The following BNC2 variants were observed in gnomAD, a reference collection of about 807,000 sequenced individuals.
The protein encoded by BNC2 is zinc finger protein basonuclin-2.
BNC2 carries 20 observed loss-of-function variants against 76.3 expected under a neutral mutation model. The observed-to-expected ratio is 0.26, with a 90% confidence interval of 0.18 to 0.38. The LOEUF is 0.38. BNC2 is among the 10% of genes least tolerant of loss of function. The pLI is 1.00. For missense variants in BNC2, 1,382 were observed against 1,399.8 expected (o/e 0.99, Z 0.20); for synonymous variants, 582 against 514.8 (o/e 1.13, Z -1.77).
chr9:16,491,131 T>A (rs1397635740), intron 5 of BNC2, among the ~76,000 whole-genome samples: 2 of 152,142 alleles, frequency 1.3e-5, no homozygotes, highest in African/African-American at 2.4e-5. Context: ...TGGATCTATG[T>A]TAAGCAAGGC....
intron 4 of BNC2, among the ~76,000 whole-genome samples, chr9:16,557,529 C>T (rs1480069143): frequency 6.6e-6 from 1 of 151,734 alleles, no homozygotes; most frequent in Non-Finnish European, 1.5e-5. Flanking sequence ...AATTCATTTC[C>T]AAATGCAATC....
intron 4 of BNC2, among the ~76,000 whole-genome samples, chr9:16,573,339 T>C (rs1819384676): frequency 6.6e-6 from 1 of 152,166 alleles, no homozygotes; most frequent in African/African-American, 2.4e-5. Flanking sequence ...TAAAAACGTA[T>C]TTGACATGAT....
intron 3 of BNC2, among the ~76,000 whole-genome samples, chr9:16,686,917 A>T (rs1198146492): frequency 6.6e-6 from 1 of 152,176 alleles, no homozygotes; most frequent in Non-Finnish European, 1.5e-5. Flanking sequence ...AAATGGACAG[A>T]GTGTCATCTG....
chr9:16,780,249 A>AAACAAAAAAAAAAC lies in BNC2; in HGVS notation c.4-41765_4-41764insGTTTTTTTTTTGTT, dbSNP rs1554729472. Among the ~76,000 whole-genome samples the AAACAAAAAAAAAAC allele has an allele frequency of 3.0e-5, 4 of 132,080 alleles. No individual in the cohort carries two copies. The East Asian group carries it at 7.1e-4, about 24-fold the overall frequency. The allele number at this position is 132,080 out of a possible 152,430, so 86.6% of individuals were successfully genotyped here. A position where few individuals can be genotyped will look rare whatever the true frequency, so the allele number is the denominator to read the frequency against. Reference sequence around the variant, plus strand: ...AGACTTCGTTTCAAAAAAAAAAAAAAAAAAAAACAAAAAAAAACTACTGAA... The same window carrying AAACAAAAAAAAAAC: ...AGACTTCGTTTCAAAAAAAAAAAAAAAACAAAAAAAAAACAAAAAAACAAAAAAAAACTACTGAA... On this transcript the variant is annotated intron_variant, in intron 1 of 6. Transcript: ENST00000380672.
intron 3 of BNC2, among the ~76,000 whole-genome samples, chr9:16,717,653 GT>G (rs1301598824): frequency 6.6e-6 from 1 of 152,152 alleles, no homozygotes; most frequent in African/African-American, 2.4e-5. Flanking sequence ...AAAATAAAGT[GT>G]GAGATAATGG....
intron 3 of BNC2, among the ~76,000 whole-genome samples, chr9:16,721,586 T>C (rs1824158911): frequency 6.6e-6 from 1 of 152,122 alleles, no homozygotes. Context: ...CACAAAAGCG[T>C]ACCACCAAAG....
intron 1 of BNC2, among the ~76,000 whole-genome samples, chr9:16,840,794 G>C (rs1403789225): frequency 6.6e-6 from 1 of 152,116 alleles, no homozygotes; most frequent in Non-Finnish European, 1.5e-5. Flanking sequence ...TGTCAAATGA[G>C]CCTACAACTG....
chr9:16,740,106 G>C (rs981673721), intron 1 of BNC2, among the ~76,000 whole-genome samples: 2 of 152,206 alleles, frequency 1.3e-5, no homozygotes, highest in African/African-American at 4.8e-5. Context: ...CAGGAGCATC[G>C]TGATTGTCCA....
At chr9:16,589,771 G>C (rs1819873587) in intron 3 of BNC2, among the ~76,000 whole-genome samples, 1 of 152,092 alleles carries the variant, frequency 6.6e-6, no homozygotes, top group African/African-American at 2.4e-5. Context: ...GCCTCTCAAA[G>C]TGCTGGAATT....
chr9:16,591,094 G>T (rs908784557), intron 3 of BNC2, among the ~76,000 whole-genome samples: 10 of 152,132 alleles, frequency 6.6e-5, no homozygotes, highest in Admixed American at 3.3e-4. Context: ...GATTAAGTCA[G>T]CAAATATCTC....
intron 1 of BNC2, among the ~76,000 whole-genome samples, chr9:16,822,434 G>A (rs1818359928): frequency 4.6e-5 from 7 of 152,092 alleles, no homozygotes; most frequent in Admixed American, 4.6e-4. Flanking sequence ...ATGCAAAAAC[G>A]CAGCCTTTTA....
At chr9:16,684,916 T>C (rs1051720778) in intron 3 of BNC2, among the ~76,000 whole-genome samples, 5 of 144,530 alleles carry the variant, frequency 3.5e-5, no homozygotes, top group Non-Finnish European at 7.6e-5. Context: ...AAAAAAAAAA[T>C]GTACTTTGCT....
chr9:16,469,647 A>G (rs1005884552), intron 5 of BNC2, among the ~76,000 whole-genome samples: 8 of 152,226 alleles, frequency 5.3e-5, no homozygotes, highest in Admixed American at 5.2e-4. Flanking sequence ...CGACTTAGGA[A>G]CTGGGTAACA....
Position 16,609,626 on chromosome 9 carries a change from T to C in BNC2, c.331-26541A>G, listed in dbSNP as rs1290681044. On this transcript the variant is annotated intron_variant, in intron 3 of 6. Transcript: ENST00000380672. ...GTATGTAGAAGATGGCTACAAACTA[T>C]TCAGGTACCTGGACAGCAGAATCCC... 2.0e-5 allele frequency among the ~76,000 whole-genome samples: 3 copies of C among 152,198 alleles called. No homozygotes were observed. The East Asian group carries it at 5.8e-4, about 29-fold the overall frequency.
chr9:16,471,882 G>A (rs767833041), intron 5 of BNC2, among the ~76,000 whole-genome samples: 7 of 152,070 alleles, frequency 4.6e-5, no homozygotes, highest in East Asian at 1.9e-4. Flanking sequence ...TCATGGGGGC[G>A]GGTCTTTGCC....
At chr9:16,738,603 AT>A in intron 1 of BNC2, 118 bp from the exon 2 acceptor site, 4 of 1,147,654 alleles carry the variant, frequency 3.5e-6, no homozygotes, top group East Asian at 5.2e-5. Context: ...AACTAAACAC[AT>A]TTTTTAAGAG....
At chr9:16,450,192 G>C (rs1314823950) in intron 5 of BNC2, among the ~76,000 whole-genome samples, 1 of 152,180 alleles carries the variant, frequency 6.6e-6, no homozygotes, top group Non-Finnish European at 1.5e-5. Flanking sequence ...GTTTACATCA[G>C]TGAAATTAGT....
At position 16,474,960 on chromosome 9, in the gene BNC2, C is replaced by T. The variant is rs535349851; in HGVS notation, c.670-37436G>A. On this transcript the variant is annotated intron_variant, in intron 5 of 6. Transcript: ENST00000380672. ...AGACTTCTGTGTTCCAGCTTCAACA[C>T]AGAAAGAACTACATAGACCTGGACA... 2.0e-5 allele frequency among the ~76,000 whole-genome samples: 3 copies of T among 152,260 alleles called. No homozygotes were observed. In the South Asian group the frequency reaches 6.2e-4, roughly 32 times the overall value.
chr9:16,455,787 C>T (rs1310939998), intron 5 of BNC2, among the ~76,000 whole-genome samples: 3 of 119,692 alleles, frequency 2.5e-5, no homozygotes, highest in Non-Finnish European at 4.9e-5. Context: ...AGCAAAACTC[C>T]ATCTCCAAAA....
Sources: allele counts gnomAD v4.1 joint callset (sites outside exome capture counted in the v4.1 genomes callset), GRCh38; gene constraint gnomAD v4.1.1; transcripts MANE v1.5; gene names NCBI Gene and HGNC (gene_info 2026-07-23, HGNC 2026-07-21).